The following FARS2 variants were observed in gnomAD, a reference collection of about 807,000 sequenced individuals.
FARS2 encodes the protein phenylalanyl-tRNA synthetase 2, mitochondrial.
In FARS2, 40 loss-of-function variants were observed where a neutral mutation model predicts 46.4. The observed-to-expected ratio is 0.86, with a 90% CI of 0.67 to 1.12. The LOEUF is 1.12. Ranked by LOEUF, FARS2 falls within the 50% of genes most tolerant of loss-of-function variation. The pLI is 0.00. For synonymous variants in FARS2, 234 were observed against 214.9 expected (o/e 1.09, Z -0.78); for missense variants, 513 against 567.9 (o/e 0.90, Z 0.98).
At chr6:5,639,705 G>A (rs985193558) in intron 6 of FARS2, among the ~76,000 whole-genome samples, 6 of 151,452 alleles carry the variant, frequency 4.0e-5, no homozygotes, top group African/African-American at 9.7e-5. Flanking sequence ...GCCAAGCGAG[G>A]CTCTTGAGTG....
intron 4 of FARS2, among the ~76,000 whole-genome samples, chr6:5,480,335 G>C (rs1172326306): frequency 6.6e-6 from 1 of 152,220 alleles, no homozygotes; most frequent in Non-Finnish European, 1.5e-5. Context: ...ATTTGTCACA[G>C]ATTCAATATG....
At chr6:5,702,524 G>A (rs1422254822) in intron 6 of FARS2, among the ~76,000 whole-genome samples, 5 of 152,162 alleles carry the variant, frequency 3.3e-5, no homozygotes, top group Admixed American at 6.5e-5. Context: ...AATCCATAAT[G>A]TTTCTAGAAT....
At chr6:5,610,664 T>C (rs970119224) in intron 5 of FARS2, among the ~76,000 whole-genome samples, 4 of 152,188 alleles carry the variant, frequency 2.6e-5, no homozygotes, top group Non-Finnish European at 5.9e-5. Context: ...TATGCAGTTA[T>C]CTGATAAAAC....
intron 4 of FARS2, among the ~76,000 whole-genome samples, chr6:5,543,523 C>T (rs1223492125): frequency 1.3e-5 from 2 of 152,220 alleles, no homozygotes; most frequent in South Asian, 4.2e-4. Flanking sequence ...CGCCACCATG[C>T]CTGGCTAAAT....
chr6:5,740,340 G>A (rs1362755427), intron 6 of FARS2, among the ~76,000 whole-genome samples: 7 of 152,170 alleles, frequency 4.6e-5, no homozygotes, highest in Middle Eastern at 3.2e-3. Context: ...GAACCTCATT[G>A]TAGAGCAGCC....
Position 5,377,301 on chromosome 6 carries a change from G to A in FARS2, c.612+8119G>A, listed in dbSNP as rs927038628. On this transcript the variant is annotated intron_variant, in intron 2 of 6. Transcript: ENST00000274680. Reference sequence around the variant, plus strand: ...TGCACACTTGTGTGTGGGCCCTGAGGATGGACAGAGGAGTTGCGTGAGAGA... The same window carrying A: ...TGCACACTTGTGTGTGGGCCCTGAGAATGGACAGAGGAGTTGCGTGAGAGA... Among the ~76,000 whole-genome samples the A allele has an allele frequency of 5.3e-5, 8 of 152,332 alleles. No individual in the cohort carries two copies. The East Asian group carries it at 1.5e-3, about 29-fold the overall frequency.
At chr6:5,609,343 C>A (rs1413315322) in intron 5 of FARS2, 6 of 1,208,982 alleles carry the variant, frequency 5.0e-6, no homozygotes, top group East Asian at 4.6e-5. Flanking sequence ...GAGCTTCTGC[C>A]TCCAAAGTTT....
intron 6 of FARS2, among the ~76,000 whole-genome samples, chr6:5,724,091 T>C (rs545733580): frequency 6.6e-6 from 1 of 152,342 alleles, no homozygotes; most frequent in East Asian, 1.9e-4. Flanking sequence ...TCAATTTCAG[T>C]TCCCTTTTCC....
At chr6:5,571,794 T>C (rs1347496216) in intron 5 of FARS2, among the ~76,000 whole-genome samples, 2 of 152,156 alleles carry the variant, frequency 1.3e-5, no homozygotes, top group African/African-American at 4.8e-5. Context: ...GATCTTCTAC[T>C]CTTCTCTCCC....
At chr6:5,380,565 G>T (rs1213267273) in intron 2 of FARS2, among the ~76,000 whole-genome samples, 1 of 152,152 alleles carries the variant, frequency 6.6e-6, no homozygotes, top group Non-Finnish European at 1.5e-5. Context: ...GTGGGCTGTA[G>T]GTGAAAGGGA....
intron 1 of FARS2, among the ~76,000 whole-genome samples, chr6:5,276,513 C>T (rs191527180): frequency 2.0e-4 from 31 of 152,290 alleles, no homozygotes; most frequent in Admixed American, 3.3e-4. Flanking sequence ...TATTTGATAA[C>T]AATAATCTGT....
intron 6 of FARS2, among the ~76,000 whole-genome samples, chr6:5,690,511 T>C (rs1321401794): frequency 6.6e-6 from 1 of 151,574 alleles, no homozygotes; most frequent in African/African-American, 2.4e-5. Flanking sequence ...TCTTTAAGAA[T>C]GTTGAATATT....
intron 1 of FARS2, chr6:5,291,491 T>C (rs1767502965): frequency 6.6e-6 from 1 of 152,246 alleles, no homozygotes; most frequent in African/African-American, 2.4e-5. Context: ...GAATCTTCTT[T>C]GATTTTTACA....
chr6:5,280,288 C>A (rs1020587164), intron 1 of FARS2, among the ~76,000 whole-genome samples: 3 of 152,210 alleles, frequency 2.0e-5, no homozygotes, highest in African/African-American at 7.2e-5. Context: ...TTAAAATTCA[C>A]AGTAATTCAG....
At chr6:5,675,023 A>G (rs1778685464) in intron 6 of FARS2, among the ~76,000 whole-genome samples, 1 of 152,196 alleles carries the variant, frequency 6.6e-6, no homozygotes, top group African/African-American at 2.4e-5. Flanking sequence ...ATATTTCCCA[A>G]TTACTATGGG....
intron 4 of FARS2, among the ~76,000 whole-genome samples, chr6:5,481,125 T>TC (rs1766430594): frequency 6.6e-6 from 1 of 152,164 alleles, no homozygotes; most frequent in South Asian, 2.1e-4. Flanking sequence ...TCCCTGTCTC[T>TC]CCCCGCTGGA....
chr6:5,683,792 C>A (rs1447082893), intron 6 of FARS2, among the ~76,000 whole-genome samples: 1 of 151,982 alleles, frequency 6.6e-6, no homozygotes, highest in Non-Finnish European at 1.5e-5. Context: ...CTCGACAGGC[C>A]CCGGTATGTG....
At chr6:5,341,202 T>TAG (rs1315022164) in intron 1 of FARS2, among the ~76,000 whole-genome samples, 622 of 5,454 alleles carry the variant, frequency 0.11, 24 homozygotes, top group African/African-American at 0.18. Context: ...TATATATATA[T>TAG]ATATATATAT....
At chr6:5,385,896 G>C (rs1388719469) in intron 2 of FARS2, among the ~76,000 whole-genome samples, 1 of 152,154 alleles carries the variant, frequency 6.6e-6, no homozygotes, top group Non-Finnish European at 1.5e-5. Context: ...TATCCCTGGG[G>C]CTCAGGGGTC....
Sources: gnomAD v4.1 joint callset for allele counts (sites outside exome capture counted in the v4.1 genomes callset) on GRCh38, gnomAD v4.1.1 for gene constraint, MANE v1.5 for transcripts, NCBI Gene and HGNC (gene_info 2026-07-23, HGNC 2026-07-21) for gene names.